Variants in ME3 observed in about 807,000 individuals in gnomAD.
The protein encoded by ME3 is malic enzyme 3.
A neutral mutation model predicts 68.9 loss-of-function variants in ME3; 48 were observed. The ratio of observed to expected loss-of-function variants is 0.70; its 90% confidence interval spans 0.55 to 0.89. ME3 has a LOEUF of 0.89. ME3 is among the 40% of genes least tolerant of loss of function. The pLI is 0.00. For synonymous variants in ME3, 320 were observed against 318.8 expected, an observed-to-expected ratio of 1.00 and a Z score of -0.04; for missense variants, 675 against 797.4, an observed-to-expected ratio of 0.85 and a Z score of 1.85.
At chr11:86,620,564 T>C (rs1036164380) in intron 2 of ME3, among the ~76,000 whole-genome samples, 47 of 152,164 alleles carry the variant, frequency 3.1e-4, no homozygotes, top group African/African-American at 1.1e-3. Context: ...AATCAGATCT[T>C]TGGATTAAAA....
intron 4 of ME3, among the ~76,000 whole-genome samples, chr11:86,526,709 C>T (rs1263414347): frequency 1.3e-5 from 2 of 152,156 alleles, no homozygotes; most frequent in Non-Finnish European, 2.9e-5. Context: ...TGCTGTTCAC[C>T]AATATCTGCT....
intron 5 of ME3, among the ~76,000 whole-genome samples, chr11:86,499,218 T>C (rs1952560879): frequency 6.6e-6 from 1 of 151,890 alleles, no homozygotes; most frequent in Non-Finnish European, 1.5e-5. Flanking sequence ...TAGGATGTGT[T>C]TGGGGAGCGA....
intron 7 of ME3, among the ~76,000 whole-genome samples, chr11:86,484,817 T>C (rs1041973679): frequency 5.3e-5 from 8 of 152,348 alleles, no homozygotes; most frequent in African/African-American, 1.9e-4. Context: ...TGGGTTCAGC[T>C]TGTAGTCCTG....
At chr11:86,485,958 G>A (rs1168018527) in intron 7 of ME3, among the ~76,000 whole-genome samples, 1 of 152,174 alleles carries the variant, frequency 6.6e-6, no homozygotes, top group Non-Finnish European at 1.5e-5. Flanking sequence ...CAGCTTCCCA[G>A]TCTGGACATT....
At chr11:86,485,417 A>G (rs952332456) in intron 7 of ME3, among the ~76,000 whole-genome samples, 2 of 152,204 alleles carry the variant, frequency 1.3e-5, no homozygotes, top group Admixed American at 1.3e-4. Context: ...ATGAATTGTG[A>G]CATTCACCTC....
chr11:86,440,673 A>G (rs1381634522), downstream of ME3, among the ~76,000 whole-genome samples: 2 of 152,154 alleles, frequency 1.3e-5, no homozygotes, highest in African/African-American at 4.8e-5. Flanking sequence ...CAGCCTTCAC[A>G]CACTGCCGAG....
intron 7 of ME3, among the ~76,000 whole-genome samples, chr11:86,486,207 T>G (rs562579191): frequency 1.3e-5 from 2 of 152,344 alleles, no homozygotes; most frequent in African/African-American, 4.8e-5. Flanking sequence ...TCCTGCTTGC[T>G]TACTCAAGGA....
At chr11:86,533,299 TGAAAG>T (rs1955399032) in intron 4 of ME3, among the ~76,000 whole-genome samples, 1 of 151,402 alleles carries the variant, frequency 6.6e-6, no homozygotes, top group Non-Finnish European at 1.5e-5. Flanking sequence ...AAATCAGAAA[TGAAAG>T]AGAAGATATT....
At chr11:86,473,759 A>G (rs971626377) in intron 7 of ME3, among the ~76,000 whole-genome samples, 7 of 151,532 alleles carry the variant, frequency 4.6e-5, no homozygotes, top group Non-Finnish European at 1.0e-4. Context: ...CACAAGGATG[A>G]CAGGGAATCT....
At chr11:86,485,300 T>C (rs1951622443) in intron 7 of ME3, among the ~76,000 whole-genome samples, 1 of 152,220 alleles carries the variant, frequency 6.6e-6, no homozygotes, top group Non-Finnish European at 1.5e-5. Flanking sequence ...TTGGTTCTCT[T>C]CACTATCGTA....
At chr11:86,438,345 A>G (rs989019888), downstream of ME3, among the ~76,000 whole-genome samples, 3 of 152,014 alleles carry the variant, frequency 2.0e-5, no homozygotes, top group Non-Finnish European at 4.4e-5. Flanking sequence ...TGTTTGTTGT[A>G]TGTAATTTTT....
chr11:86,512,708 A>G (rs189739314), intron 4 of ME3, among the ~76,000 whole-genome samples: 17 of 152,310 alleles, frequency 1.1e-4, no homozygotes, highest in African/African-American at 3.8e-4. Context: ...GGAAAACACC[A>G]GACTTTAAGA....
At chr11:86,592,239 G>T (rs113364230) in intron 2 of ME3, among the ~76,000 whole-genome samples, 18 of 152,176 alleles carry the variant, frequency 1.2e-4, no homozygotes, top group African/African-American at 4.3e-4. Context: ...ATGTCCCTGG[G>T]TTATAACATC....
At chr11:86,519,481 C>A (rs1288521971) in intron 4 of ME3, among the ~76,000 whole-genome samples, 1 of 152,166 alleles carries the variant, frequency 6.6e-6, no homozygotes, top group Non-Finnish European at 1.5e-5. Flanking sequence ...AACACCCACT[C>A]AAGTAGACAT....
chr11:86,584,009 A>G (rs1484555383), intron 2 of ME3, among the ~76,000 whole-genome samples: 4 of 152,202 alleles, frequency 2.6e-5, no homozygotes, highest in African/African-American at 9.6e-5. Flanking sequence ...AAAGAAAACA[A>G]TCCACAGAGT....
At chr11:86,601,122 T>C (rs1960568871) in intron 2 of ME3, among the ~76,000 whole-genome samples, 1 of 150,684 alleles carries the variant, frequency 6.6e-6, no homozygotes, top group Admixed American at 6.6e-5. Flanking sequence ...CTGAAGGAAA[T>C]AGAGACACAA....
chr11:86,647,050 A>G (rs1231577092), intron 2 of ME3, among the ~76,000 whole-genome samples: 3 of 152,204 alleles, frequency 2.0e-5, no homozygotes, highest in Non-Finnish European at 4.4e-5. Context: ...TCCTGAAGGA[A>G]GCACTAAATA....
chr11:86,638,696 T>A (rs1944491187), intron 2 of ME3, among the ~76,000 whole-genome samples: 1 of 152,196 alleles, frequency 6.6e-6, no homozygotes, highest in Non-Finnish European at 1.5e-5. Context: ...ATAGCTATAA[T>A]ATCTCTTTTA....
chr11:86,554,837 A>G (rs1048758145), intron 4 of ME3, among the ~76,000 whole-genome samples: 2 of 152,246 alleles, frequency 1.3e-5, no homozygotes, highest in African/African-American at 4.8e-5. Flanking sequence ...CAGATCCATC[A>G]TGTTTCTTGA....
Sources: gnomAD v4.1 joint callset for allele counts (sites outside exome capture counted in the v4.1 genomes callset) on GRCh38, gnomAD v4.1.1 for gene constraint, MANE v1.5 for transcripts, NCBI Gene and HGNC (gene_info 2026-07-23, HGNC 2026-07-21) for gene names.